IRS2: variants seen among roughly 807,000 people sequenced by gnomAD.
The protein encoded by IRS2 is insulin receptor substrate 2.
In IRS2, 28 loss-of-function variants were observed where a neutral mutation model predicts 70.9. That is an observed-to-expected ratio of 0.39 (90% confidence interval 0.29 to 0.54). IRS2 has a LOEUF of 0.54. IRS2 is among the 20% of genes least tolerant of loss of function. The pLI is 0.59. For synonymous variants in IRS2, 1,217 were observed against 981.9 expected (o/e 1.24, Z -4.48); for missense variants, 2,081 against 2,024.1 (o/e 1.03, Z -0.54).
In IRS2 at chr13:109,783,879, G is replaced by GC; in HGVS notation, c.2174dup (p.Gly726ArgfsTer148). On this transcript the variant is annotated frameshift_variant, in exon 1 of 2. Coordinates refer to ENST00000375856, the MANE Select transcript of IRS2 (RefSeq NM_003749.3). LOFTEE classifies it high-confidence loss of function. ...CGGCGGGCGAGCTGGCCTTGTAGCC[G>GC]CCCCCGCTCGCCGGGAATGTCCTGC... The GC allele has an allele frequency of 6.5e-7, 1 of 1,549,188 alleles. No individual in the cohort carries two copies. The highest frequency in any genetic ancestry group is 8.7e-7 in the Non-Finnish European group (1 of 1,147,148).
chr13:109,772,252 A>G (rs1421910315), intron 1 of IRS2, among the ~76,000 whole-genome samples: 1 of 152,166 alleles, frequency 6.6e-6, no homozygotes, highest in Non-Finnish European at 1.5e-5. Context: ...GGAGCGGTGC[A>G]GGTAGGTGCA....
chr13:109,782,258 G>A lies in IRS2; in HGVS notation c.3796C>T (p.Pro1266Ser), dbSNP rs760508877. ...GGCGGCGGCGGCGGCTGCGGCTGGG[G>A]TGGCAGCCCGGGCTCCTCCCTCACG... ...IDVREEPGLP[P>S]QPQPPPPPLP... The change falls in exon 1 of 2, where the codon CCC (proline) becomes TCC (serine). Residue 1266 changes from proline (P) to serine (S), a missense_variant. Pro to Ser is a moderately conservative substitution (Grantham distance 74, BLOSUM62 -1). Transcript: ENST00000375856. The A allele has an allele frequency of 4.4e-6, 7 of 1,608,754 alleles. No homozygotes were observed. The South Asian group carries it at 7.7e-5, about 18-fold the overall frequency.
rs1247523195 is a variant in IRS2 at position 109,784,872 on chromosome 13, C to A, written c.1182G>T (p.Pro394=). The change falls in exon 1 of 2, where the codon CCG becomes CCT. Residue 394 remains proline, a synonymous_variant. Coordinates refer to ENST00000375856, the MANE Select transcript of IRS2 (RefSeq NM_003749.3). This position sits in a 1 kb window ranked among gnomAD's most constrained non-coding sequence, Gnocchi z 5.2. The part of the protein sequence containing the change: ...SVAGSPLSPG[P]VRAPLSRSHT... ...GCGAGCGGCTCAGGGGCGCGCGCAC[C>A]GGCCCGGGGCTCAGGGGGCTCCCAG... 14 of 1,118,828 alleles carry A rather than the reference C, an allele frequency of 1.3e-5. No homozygotes were observed. Among genetic ancestry groups the A allele is most frequent in the Non-Finnish European group, 1.2e-5 (11 of 912,884 alleles). The allele number at this position is 1,118,828 out of a possible 1,614,324, so 69.3% of individuals were successfully genotyped here.
rs1376416258 is a variant in IRS2, at chr13:109,782,916, G to A, written c.3138C>T (p.Pro1046=). ...PAPGELYRLP[P]ASAVATAQGP... ...CCTGGGCGGTGGCAACGGCCGAGGC[G>A]GGGGGCAGGCGGTACAGCTCCCCCG... is the stretch of plus-strand genomic sequence containing the variant. Residue 1046 remains proline, a synonymous_variant, in exon 1 of 2, where the codon CCC becomes CCT. Coordinates refer to ENST00000375856, the MANE Select transcript of IRS2 (RefSeq NM_003749.3). The A allele has an allele frequency of 3.9e-6, 6 of 1,544,080 alleles. No homozygotes were observed. The highest frequency in any genetic ancestry group is 5.2e-6 in the Non-Finnish European group (6 of 1,143,558).
chr13:109,785,590 G>T lies in IRS2; in HGVS notation c.464C>A (p.Pro155His). ...GCAGGACGCGGCGGGCGCGGCGGCGGGGGGCGCGTCTCCGGCGGCCGCGCG... is the reference window on the plus strand; with the variant it reads ...GCAGGACGCGGCGGGCGCGGCGGCGTGGGGCGCGTCTCCGGCGGCCGCGCG... ...EGRAAAGDAP[P>H]AAAPAASCSA... Residue 155 changes from proline (P) to histidine (H), a missense_variant, in exon 1 of 2, where the codon CCC becomes CAC. Pro to His is a moderately conservative substitution (Grantham distance 77). This residue lies in a region of IRS2 where 320 missense variants were observed against 352.9 expected (regional missense o/e 0.91). Transcript: ENST00000375856. The surrounding 1 kb of genome is among the most constrained non-coding windows in gnomAD (Gnocchi z 9.3). 1 of 1,340,586 alleles carries T rather than the reference G, an allele frequency of 7.5e-7. No individual in the cohort carries two copies. The highest frequency in any genetic ancestry group is 9.6e-7 in the Non-Finnish European group (1 of 1,044,190). 83.0% of individuals were successfully genotyped at this position (1,340,586 alleles called of 1,614,324 possible). A position where few individuals can be genotyped will look rare whatever the true frequency, so the allele number is the denominator to read the frequency against.
intron 1 of IRS2, among the ~76,000 whole-genome samples, chr13:109,781,100 T>C (rs781089485): frequency 1.6e-4 from 24 of 152,216 alleles, no homozygotes; most frequent in Non-Finnish European, 3.4e-4. Flanking sequence ...TGGACAACTC[T>C]GAAAAATGTC....
In IRS2 at chr13:109,783,854, C is replaced by T. The variant is rs1246771759; in HGVS notation, c.2200G>A (p.Glu734Lys). Reference protein sequence around the residue: ...GGGYKASSPAESSPEDSGYMR... With the variant: ...GGGYKASSPAKSSPEDSGYMR... ...TACCCACTGTCCTCGGGGGAGCTCTCGGCGGGCGAGCTGGCCTTGTAGCCG... is the reference window on the plus strand; with the variant it reads ...TACCCACTGTCCTCGGGGGAGCTCTTGGCGGGCGAGCTGGCCTTGTAGCCG... The change falls in exon 1 of 2, where the codon GAG becomes AAG. Residue 734 changes from glutamate to lysine, a missense_variant. This residue lies in a region of IRS2 where 1,615 missense variants were observed against 1,459.5 expected (regional missense o/e 1.11). Coordinates refer to ENST00000375856, the MANE Select transcript of IRS2 (RefSeq NM_003749.3). 6 of 1,559,444 alleles carry T rather than the reference C, an allele frequency of 3.8e-6. No individual in the cohort carries two copies. In the African/African-American group the frequency reaches 4.1e-5, roughly 11 times the overall value.
At chr13:109,778,805 A>G (rs1877634938) in intron 1 of IRS2, among the ~76,000 whole-genome samples, 1 of 152,248 alleles carries the variant, frequency 6.6e-6, no homozygotes. Context: ...CCAATTTTAG[A>G]ATAAAATCCC....
chr13:109,786,078 C>T lies in IRS2; in HGVS notation c.-25G>A. The T allele has an allele frequency of 9.5e-7, 1 of 1,053,680 alleles. No homozygotes were observed. The highest frequency in any genetic ancestry group is 1.1e-6 in the Non-Finnish European group (1 of 880,174). 65.3% of individuals were successfully genotyped at this position (1,053,680 alleles called of 1,614,324 possible). A position where few individuals can be genotyped will look rare whatever the true frequency, so the allele number is the denominator to read the frequency against. ...TCGCGGGCGCTTCAGGCCGCGCGGC[C>T]CGGGCCCGGCGCCCAGGGGTTGGGG... On this transcript the variant is annotated 5_prime_UTR_variant, in exon 1 of 2. Coordinates refer to ENST00000375856, the MANE Select transcript of IRS2 (RefSeq NM_003749.3). The surrounding 1 kb of genome is among the most constrained non-coding windows in gnomAD (Gnocchi z 4.4).
chr13:109,758,817 G>A (rs1877161839), intron 1 of IRS2, among the ~76,000 whole-genome samples: 1 of 120,542 alleles, frequency 8.3e-6, no homozygotes, highest in African/African-American at 2.8e-5. Context: ...TAACTTGGGG[G>A]AAGATGGCTG....
chr13:109,784,284 G>C lies in IRS2; in HGVS notation c.1770C>G (p.Pro590=), dbSNP rs755451494. ...TGTATTCATCCAGCGAGGCAGAGGA[G>C]GGCTGGGGCACCGGCCGCTGCCGGG... ...TPARQRPVPQ[P]SSASLDEYTL... The change falls in exon 1 of 2, where the codon CCC becomes CCG. Residue 590 remains proline (P), a synonymous_variant. Coordinates refer to ENST00000375856, the MANE Select transcript of IRS2 (RefSeq NM_003749.3). The surrounding 1 kb of genome is among the most constrained non-coding windows in gnomAD (Gnocchi z 5.2). The C allele has an allele frequency of 1.9e-6, 3 of 1,597,492 alleles. No individual in the cohort carries two copies. Among genetic ancestry groups the C allele is most frequent in the South Asian group, 2.2e-5 (2 of 90,428 alleles).
At position 109,782,182 on chromosome 13, in the gene IRS2, C is replaced by T. The variant is rs1302148804; in HGVS notation, c.3872G>A (p.Gly1291Glu). The T allele has an allele frequency of 6.2e-7, 1 of 1,606,082 alleles. No homozygotes were observed. Among genetic ancestry groups the T allele is most frequent in the South Asian group, 1.1e-5 (1 of 90,526 alleles). Residue 1291 changes from glycine to glutamate, a missense_variant, in exon 1 of 2, where the codon GGG becomes GAG. Coordinates refer to ENST00000375856, the MANE Select transcript of IRS2 (RefSeq NM_003749.3). The stretch of plus-strand genomic sequence containing the variant: ...GACGCCCACAGCGCTGATGAGACCC[C>T]CGAGGCTTCGGGTCCGGCCCCAGGA... ...KSSWGRTRSL[G>E]GLISAVGVGS...
At chr13:109,773,872 C>A (rs1877512773) in intron 1 of IRS2, among the ~76,000 whole-genome samples, 1 of 152,168 alleles carries the variant, frequency 6.6e-6, no homozygotes, top group Admixed American at 6.5e-5. Context: ...GAAAGTTATT[C>A]ATCAAGATAC....
chr13:109,760,469 C>T (rs1402363387), intron 1 of IRS2, among the ~76,000 whole-genome samples: 3 of 152,206 alleles, frequency 2.0e-5, no homozygotes, highest in South Asian at 4.1e-4. Context: ...GACGTATCCA[C>T]GTAGAGTTAT....
rs1461030314 is a variant in IRS2, at chr13:109,782,311, T to C, written c.3743A>G (p.Gln1248Arg). 1 of 1,611,452 alleles carries C rather than the reference T, an allele frequency of 6.2e-7. No homozygotes were observed. Among genetic ancestry groups the C allele is most frequent in the Non-Finnish European group, 8.5e-7 (1 of 1,179,418 alleles). The change falls in exon 1 of 2, where the codon CAG (glutamine) becomes CGG (arginine). Residue 1248 changes from glutamine (Q) to arginine (R), a missense_variant. Gln to Arg is a conservative substitution (Grantham distance 43). Coordinates refer to ENST00000375856, the MANE Select transcript of IRS2 (RefSeq NM_003749.3). ...GATGGCGATGTAGTTGAGACCATTC[T>C]GGAAGCCGGCAGAGGTCTCTCTGCG... ...PMRRETSAGF[Q>R]NGLNYIAIDV...
At chr13:109,759,727 C>A (rs1566404737) in intron 1 of IRS2, among the ~76,000 whole-genome samples, 1 of 152,116 alleles carries the variant, frequency 6.6e-6, no homozygotes, top group Non-Finnish European at 1.5e-5. Context: ...AGGCATAGGG[C>A]TAAATGATTA....
intron 1 of IRS2, 46 bp from the exon 2 acceptor site, chr13:109,756,354 G>C (rs373044475): frequency 3.1e-6 from 5 of 1,594,558 alleles, no homozygotes; most frequent in Middle Eastern, 1.7e-4. Context: ...CAGGAGAACA[G>C]AGCAATCTCT....
Position 109,783,863 on chromosome 13 carries a change from A to C in IRS2, c.2191T>G (p.Ser731Ala). The C allele has an allele frequency of 6.4e-7, 1 of 1,554,942 alleles. No individual in the cohort carries two copies. The highest frequency in any genetic ancestry group is 1.4e-5 in the African/African-American group (1 of 73,276). Residue 731 changes from serine to alanine, a missense_variant, in exon 1 of 2, where the codon TCG becomes GCG. By Grantham distance (99) the Ser-to-Ala change is moderately conservative. Transcript: ENST00000375856. Reference protein sequence around the residue: ...PASGGGYKASSPAESSPEDSG... With the variant: ...PASGGGYKASAPAESSPEDSG... ...TCCTCGGGGGAGCTCTCGGCGGGCGAGCTGGCCTTGTAGCCGCCCCCGCTC... is the reference window on the plus strand; with the variant it reads ...TCCTCGGGGGAGCTCTCGGCGGGCGCGCTGGCCTTGTAGCCGCCCCCGCTC...
rs763466103 is a variant in IRS2 at position 109,782,835 on chromosome 13, G to T, written c.3219C>A (p.Thr1073=). 1.3e-6 allele frequency: 2 copies of T among 1,587,838 alleles called. No homozygotes were observed. The highest frequency in any genetic ancestry group is 1.7e-6 in the Non-Finnish European group (2 of 1,168,474). The change falls in exon 1 of 2, where the codon ACC becomes ACA. Residue 1073 remains threonine (T), a synonymous_variant. Transcript: ENST00000375856. ...SSDTGDNGDY[T]EMAFGVAATP... ...TGGCGGCCACACCAAAAGCCATCTCGGTGTAGTCACCATTGTCCCCGGTGT... is the reference window on the plus strand; with the variant it reads ...TGGCGGCCACACCAAAAGCCATCTCTGTGTAGTCACCATTGTCCCCGGTGT...
Sources: allele counts gnomAD v4.1 joint callset (sites outside exome capture counted in the v4.1 genomes callset), GRCh38; gene constraint gnomAD v4.1.1; regional missense constraint gnomAD v4.1.1; non-coding constraint Gnocchi (gnomAD v3.1); transcripts MANE v1.5; gene names NCBI Gene and HGNC (gene_info 2026-07-23, HGNC 2026-07-21).